ANKRD11: variants seen among roughly 807,000 people sequenced by gnomAD.
ANKRD11 encodes the protein ankyrin repeat domain 11, also known as ankyrin repeat domain-containing protein 11.
A neutral mutation model predicts 195.7 loss-of-function variants in ANKRD11; 17 were observed. The ratio of observed to expected loss-of-function variants is 0.09; its 90% CI spans 0.06 to 0.13. The LOEUF is 0.13. ANKRD11 is among the 10% of genes least tolerant of loss of function. The pLI is 1.00. For synonymous variants in ANKRD11, 1,953 were observed against 1,528.1 expected, an observed-to-expected ratio of 1.28 and a Z score of -6.49; for missense variants, 3,735 against 3,566.1, an observed-to-expected ratio of 1.05 and a Z score of -1.21.
At chr16:89,446,137 A>T (rs1409434532) in intron 1 of ANKRD11, among the ~76,000 whole-genome samples, 1 of 152,124 alleles carries the variant, frequency 6.6e-6, no homozygotes, top group Non-Finnish European at 1.5e-5. Flanking sequence ...AAGGACTTCC[A>T]ATTGCATTTC....
chr16:89,311,637 A>G (rs911952029), intron 3 of ANKRD11, among the ~76,000 whole-genome samples: 1 of 152,254 alleles, frequency 6.6e-6, no homozygotes, highest in Non-Finnish European at 1.5e-5. Flanking sequence ...TACAGAACAC[A>G]GGAAAAACTT....
intron 1 of ANKRD11, among the ~76,000 whole-genome samples, chr16:89,467,159 C>T (rs1179563139): frequency 5.9e-5 from 9 of 152,172 alleles, no homozygotes; most frequent in East Asian, 3.9e-4. Flanking sequence ...AGGCCAGGAG[C>T]GGCGGCTCAT....
intron 1 of ANKRD11, among the ~76,000 whole-genome samples, chr16:89,452,486 C>A (rs1345760168): frequency 6.6e-6 from 1 of 152,028 alleles, no homozygotes; most frequent in Non-Finnish European, 1.5e-5. Context: ...CGGGTGAGGA[C>A]ACAGCTGTTT....
chr16:89,413,227 A>G (rs2042166297), intron 2 of ANKRD11, among the ~76,000 whole-genome samples: 1 of 152,256 alleles, frequency 6.6e-6, no homozygotes, highest in Non-Finnish European at 1.5e-5. Flanking sequence ...TGATTCTACT[A>G]AACAATGGAG....
At chr16:89,318,555 T>C (rs1184626004) in intron 2 of ANKRD11, among the ~76,000 whole-genome samples, 1 of 110,706 alleles carries the variant, frequency 9.0e-6, no homozygotes, top group Non-Finnish European at 2.1e-5. Flanking sequence ...AAACACGATG[T>C]GCAGACCCAT....
intron 3 of ANKRD11, among the ~76,000 whole-genome samples, chr16:89,312,299 T>C (rs929748010): frequency 6.6e-6 from 1 of 152,176 alleles, no homozygotes; most frequent in Non-Finnish European, 1.5e-5. Context: ...GAGCTGAGAA[T>C]GCACAGAATG....
At chr16:89,425,775 G>C (rs2042692952) in intron 1 of ANKRD11, among the ~76,000 whole-genome samples, 1 of 152,078 alleles carries the variant, frequency 6.6e-6, no homozygotes, top group African/African-American at 2.4e-5. Flanking sequence ...AAGGCTCCAG[G>C]GAATAAAGGC....
chr16:89,340,016 G>A (rs949923049), intron 2 of ANKRD11: 1 of 152,228 alleles, frequency 6.6e-6, no homozygotes, highest in Non-Finnish European at 1.5e-5. Flanking sequence ...GACAACTGCA[G>A]TGTGCGCTCC....
At position 89,270,742 on chromosome 16, in the gene ANKRD11, G is replaced by C. The variant is rs1013434692; in HGVS notation, c.7806+75C>G. The C allele has an allele frequency of 4.1e-6, 6 of 1,453,502 alleles. No homozygotes were observed. The African/African-American group carries it at 8.4e-5, about 20-fold the overall frequency. The allele number at this position is 1,453,502 out of a possible 1,614,324, so 90.0% of individuals were successfully genotyped here. On this transcript the variant is annotated intron_variant, in intron 12 of 12. Transcript: ENST00000301030. ...CGGCCTCCCCCCAGGCAGCGCAAAG[G>C]GGGTTGTCACCACCCATCACAGAAC... is the stretch of plus-strand genomic sequence containing the variant.
intron 2 of ANKRD11, among the ~76,000 whole-genome samples, chr16:89,415,702 C>T (rs2152223189): frequency 6.6e-6 from 1 of 151,280 alleles, no homozygotes; most frequent in South Asian, 2.1e-4. Context: ...GTGGTGGGTA[C>T]CTGTAATCCC....
At chr16:89,392,194 T>A (rs137949292) in intron 2 of ANKRD11, among the ~76,000 whole-genome samples, 3 of 152,232 alleles carry the variant, frequency 2.0e-5, no homozygotes, top group African/African-American at 7.2e-5. Flanking sequence ...GTCTCCTTCA[T>A]TCGGTGTACT....
chr16:89,280,794 G>C lies in ANKRD11; in HGVS notation c.5748C>G (p.Asp1916Glu). The change falls in exon 9 of 13, where the codon GAC (aspartate) becomes GAG (glutamate). Residue 1916 changes from aspartate (D) to glutamate (E), a missense_variant. By Grantham distance (45) the Asp-to-Glu change is conservative. Transcript: ENST00000301030. ...GGATGATGGCGGCCGTCGCCTGCTG[G>C]TCCTCGGAGGTGTCCAGGTCCGGGG... is the stretch of plus-strand genomic sequence containing the variant. ...ALPPDLDTSE[D>E]QQATAAIIPP... The C allele has an allele frequency of 6.2e-7, 1 of 1,609,678 alleles. No homozygotes were observed. The highest frequency in any genetic ancestry group is 8.5e-7 in the Non-Finnish European group (1 of 1,176,750).
At chr16:89,277,691 G>A (rs2033774047) in intron 9 of ANKRD11, 1 of 152,306 alleles carries the variant, frequency 6.6e-6, no homozygotes, top group South Asian at 2.1e-4. Flanking sequence ...AGACCGCAGA[G>A]GTCACCGTGG....
chr16:89,450,964 C>T (rs1376199098), intron 1 of ANKRD11, among the ~76,000 whole-genome samples: 2 of 152,160 alleles, frequency 1.3e-5, no homozygotes, highest in African/African-American at 4.8e-5. Flanking sequence ...AGAGTTATGG[C>T]CTAAATCAGA....
Position 89,284,475 on chromosome 16 carries a change from G to T in ANKRD11, c.2067C>A (p.His689Gln). 2 of 1,613,894 alleles carry T rather than the reference G, an allele frequency of 1.2e-6. No individual in the cohort carries two copies. The highest frequency in any genetic ancestry group is 2.7e-5 in the African/African-American group (2 of 74,930). ...CTTCTTTTTTAAAGTGGTCGCGATC[G>T]TGCTTTAACACTTTTAGCTTGTTTT... ...STENKLKVLK[H>Q]DRDHFKKEEK... is the part of the protein sequence containing the mutation. Residue 689 changes from histidine to glutamine, a missense_variant, in exon 9 of 13, where the codon CAC becomes CAA. His to Gln is a conservative substitution (Grantham distance 24, BLOSUM62 0). Coordinates refer to ENST00000301030, the MANE Select transcript of ANKRD11 (RefSeq NM_013275.6).
At chr16:89,304,248 A>G (rs1233865290) in intron 4 of ANKRD11, among the ~76,000 whole-genome samples, 1 of 152,204 alleles carries the variant, frequency 6.6e-6, no homozygotes, top group East Asian at 1.9e-4. Flanking sequence ...GCGTGTGCAC[A>G]TGAACACACA....
rs540422908 is a variant in ANKRD11 at position 89,464,147 on chromosome 16, G to C, written c.-145+26098C>G. On this transcript the variant is annotated intron_variant, in intron 1 of 12. Coordinates refer to ENST00000301030, the MANE Select transcript of ANKRD11 (RefSeq NM_013275.6). ...CCAGCTACTCGGGAGGCTGAGACAC[G>C]AGAATCACTTGAACCTGGGAGGTGG... Among the ~76,000 whole-genome samples, 45 of 152,174 alleles carry C rather than the reference G, an allele frequency of 3.0e-4. No individual in the cohort carries two copies. The South Asian group carries it at 9.1e-3, about 31-fold the overall frequency.
chr16:89,290,111 A>G (rs1322696114), intron 6 of ANKRD11, among the ~76,000 whole-genome samples: 3 of 152,258 alleles, frequency 2.0e-5, no homozygotes, highest in Non-Finnish European at 4.4e-5. Context: ...TCTCAGCAAC[A>G]GGGAACCCCA....
At chr16:89,480,510 G>A (rs2057411078) in intron 1 of ANKRD11, among the ~76,000 whole-genome samples, 1 of 151,986 alleles carries the variant, frequency 6.6e-6, no homozygotes, top group Non-Finnish European at 1.5e-5. Context: ...TAACTTTTAA[G>A]ATTTCCAACC....
Sources: allele counts gnomAD v4.1 joint callset (sites outside exome capture counted in the v4.1 genomes callset), GRCh38; gene constraint gnomAD v4.1.1; transcripts MANE v1.5; gene names NCBI Gene and HGNC (gene_info 2026-07-23, HGNC 2026-07-21).